Variants in MTA2 observed in about 807,000 individuals in gnomAD.
MTA2 encodes metastasis associated 1 family member 2, also known as metastasis-associated protein MTA2.
A neutral mutation model predicts 87.1 loss-of-function variants in MTA2; 22 were observed. The ratio of observed to expected loss-of-function variants is 0.25; its 90% CI spans 0.18 to 0.36. MTA2 has a LOEUF of 0.36. Ranked by LOEUF, MTA2 falls within the 10% of genes least tolerant of loss-of-function variation. MTA2 has a pLI of 1.00. For missense variants in MTA2, 542 were observed against 853.2 expected (o/e 0.64, Z 4.54); for synonymous variants, 314 against 310.1 (o/e 1.01, Z -0.13).
In MTA2 at chr11:62,596,356, AAAGAG is replaced by A; in HGVS notation, c.958-24_958-20del. On this transcript the variant is annotated intron_variant, in intron 10 of 17. Coordinates refer to ENST00000278823, the MANE Select transcript of MTA2 (RefSeq NM_004739.4). The stretch of plus-strand genomic sequence containing the variant: ...ACCTTTTCTGTAAGAAGGTAAAAAG[AAAGAG>A]AAGGATCAGAGCCTCATAGCAGGGA... 1 of 1,613,946 alleles carries A rather than the reference AAAGAG, an allele frequency of 6.2e-7. No individual in the cohort carries two copies. The highest frequency in any genetic ancestry group is 8.5e-7 in the Non-Finnish European group (1 of 1,179,996).
rs1942130609 is a variant in MTA2, at chr11:62,598,569, T to C, written c.261A>G (p.Glu87=). Residue 87 remains glutamate (E), a synonymous_variant, in exon 4 of 18, where the codon GAA becomes GAG. Transcript: ENST00000278823. ...EQQRHQLKHR[E]LFLSRQFESL... is the part of the protein sequence containing the mutation. Reference sequence around the variant, plus strand: ...ATTCAAATTGCCGAGAAAGAAAAAGTTCCCGGTGCTTCAGTTGATGGCGCT... The same window carrying C: ...ATTCAAATTGCCGAGAAAGAAAAAGCTCCCGGTGCTTCAGTTGATGGCGCT... 2 of 1,614,106 alleles carry C rather than the reference T, an allele frequency of 1.2e-6. No individual in the cohort carries two copies. The highest frequency in any genetic ancestry group is 2.2e-5 in the South Asian group (2 of 91,074).
In MTA2 at chr11:62,600,349, T is replaced by G. The variant is rs541843363; in HGVS notation, c.97-90A>C. The G allele has an allele frequency of 5.8e-6, 7 of 1,198,572 alleles. No individual in the cohort carries two copies. The South Asian group carries it at 8.9e-5, about 15-fold the overall frequency. The allele number at this position is 1,198,572 out of a possible 1,614,324, so 74.2% of individuals were successfully genotyped here. On this transcript the variant is annotated intron_variant, in intron 2 of 17. Coordinates refer to ENST00000278823, the MANE Select transcript of MTA2 (RefSeq NM_004739.4). ...AAATGCACAAAGAGACAAATAACAG[T>G]AAGTTTCAGAGGGACCTAAATTAAA... is the stretch of plus-strand genomic sequence containing the variant.
chr11:62,597,301 C>A lies in MTA2; in HGVS notation c.693+15G>T. On this transcript the variant is annotated intron_variant, in intron 8 of 17. Transcript: ENST00000278823. ...AAAACCCAGCCTGCCCAACTACCCA[C>A]CAACTTCTGCTCACCAGAGTGATAT... The A allele has an allele frequency of 1.3e-6, 2 of 1,583,382 alleles. No individual in the cohort carries two copies. The highest frequency in any genetic ancestry group is 1.7e-6 in the Non-Finnish European group (2 of 1,168,298).
rs757510687 is a variant in MTA2, at chr11:62,594,330, T to C, written c.1770A>G (p.Ala590=). 1.2e-6 allele frequency: 2 copies of C among 1,614,252 alleles called. No individual in the cohort carries two copies. The highest frequency in any genetic ancestry group is 1.7e-6 in the Non-Finnish European group (2 of 1,180,048). Reference sequence around the variant, plus strand: ...CTGGGTTTAGTTTCTGACGCTTGGCTGCTGGCTGTGAGCTTGAACGAATCC... The same window carrying C: ...CTGGGTTTAGTTTCTGACGCTTGGCCGCTGGCTGTGAGCTTGAACGAATCC... ...ASGIRSSSQP[A]AKRQKLNPAD... The change falls in exon 17 of 18, where the codon GCA becomes GCG. Residue 590 remains alanine, a synonymous_variant. Coordinates refer to ENST00000278823, the MANE Select transcript of MTA2 (RefSeq NM_004739.4).
intron 3 of MTA2, among the ~76,000 whole-genome samples, 197 bp downstream of exon 3, chr11:62,599,969 C>T (rs986843101): frequency 6.6e-6 from 1 of 152,178 alleles, no homozygotes; most frequent in African/African-American, 2.4e-5. Context: ...ACCATATTAT[C>T]GCTTTCCTTA....
At chr11:62,599,307 G>T (rs1377524690) in intron 3 of MTA2, 1 of 152,582 alleles carries the variant, frequency 6.6e-6, no homozygotes, top group Non-Finnish European at 1.5e-5. Context: ...GGGAGAAGGG[G>T]GGGGTTGTGC....
rs1053773874 is a variant in MTA2, at chr11:62,600,737, G to A, written c.29-48C>T. The A allele has an allele frequency of 2.1e-5, 32 of 1,546,938 alleles. No homozygotes were observed. In the African/African-American group the frequency reaches 4.4e-4, roughly 21 times the overall value. On this transcript the variant is annotated intron_variant, in intron 1 of 17. Coordinates refer to ENST00000278823, the MANE Select transcript of MTA2 (RefSeq NM_004739.4). Reference sequence around the variant, plus strand: ...GAACCACGAAGATCAGAGGAGATGGGAGACGCAGAGCACCAGGGTAGGAGA... The same window carrying A: ...GAACCACGAAGATCAGAGGAGATGGAAGACGCAGAGCACCAGGGTAGGAGA...
Position 62,594,634 on chromosome 11 carries a change from A to G in MTA2, c.1574T>C (p.Val525Ala). 7 of 1,612,972 alleles carry G rather than the reference A, an allele frequency of 4.3e-6. No homozygotes were observed. Among genetic ancestry groups the G allele is most frequent in the Non-Finnish European group, 5.9e-6 (7 of 1,179,602 alleles). The part of the protein sequence containing the change: ...LPLATIVKDL[V>A]AQAPLKPKTP... ...TTTTGGTTTCAGGGGTGCCTGGGCC[A>G]CTGGAAAAAAACAGAAAACTTTCGC... The change falls in exon 16 of 18, where the codon GTG becomes GCG. Residue 525 changes from valine (V) to alanine (A), a missense_variant and splice_region_variant. By Grantham distance (64) the Val-to-Ala change is moderately conservative (BLOSUM62 0). Coordinates refer to ENST00000278823, the MANE Select transcript of MTA2 (RefSeq NM_004739.4).
intron 15 of MTA2, 25 bp downstream of exon 15, chr11:62,594,956 A>G: frequency 6.2e-7 from 1 of 1,604,460 alleles, no homozygotes; most frequent in Non-Finnish European, 8.5e-7. Context: ...GCCTGATGCC[A>G]ACCTCACTGG....
rs1246388117 is a variant in MTA2, at chr11:62,598,010, G to A, written c.490+14C>T. On this transcript the variant is annotated intron_variant, in intron 6 of 17. Transcript: ENST00000278823. ...GACAACCTGGTAGCCGTACAGTCTT[G>A]TCCTGTTGCTTACCCTCTACTAGGC... 3 of 1,600,430 alleles carry A rather than the reference G, an allele frequency of 1.9e-6. No individual in the cohort carries two copies. Among genetic ancestry groups the A allele is most frequent in the Non-Finnish European group, 2.6e-6 (3 of 1,167,722 alleles).
At chr11:62,600,457 G>C in intron 2 of MTA2, 165 bp downstream of exon 2, 1 of 814,654 alleles carries the variant, frequency 1.2e-6, no homozygotes, top group Non-Finnish European at 1.9e-6. Flanking sequence ...AGACAGAATA[G>C]TAAAGTTCCT....
chr11:62,597,941 C>A, intron 6 of MTA2, 83 bp downstream of exon 6: 2 of 1,268,916 alleles, frequency 1.6e-6, no homozygotes, highest in South Asian at 2.4e-5. Context: ...CCCCAGGTGA[C>A]GCCATTCACA....
Position 62,601,621 on chromosome 11 carries a change from C to T in MTA2, c.-171G>A, listed in dbSNP as rs1433752279. 1 of 700,010 alleles carries T rather than the reference C, an allele frequency of 1.4e-6. No homozygotes were observed. Among genetic ancestry groups the T allele is most frequent in the Non-Finnish European group, 2.2e-6 (1 of 450,484 alleles). 43.4% of individuals were successfully genotyped at this position (700,010 alleles called of 1,614,324 possible). A position where few individuals can be genotyped will look rare whatever the true frequency, so the allele number is the denominator to read the frequency against. On this transcript the variant is annotated 5_prime_UTR_variant, in exon 1 of 18. Transcript: ENST00000278823. ...CTCAGCCGTCGCGGTTCATCCCGGC[C>T]CGCGCTGTCGCCGCCGCAGCTATCG... is the stretch of plus-strand genomic sequence containing the variant.
rs1476686195 is a variant in MTA2, at chr11:62,593,215, G to A, written c.*660C>T. On this transcript the variant is annotated 3_prime_UTR_variant, in exon 18 of 18. Coordinates refer to ENST00000278823, the MANE Select transcript of MTA2 (RefSeq NM_004739.4). ...AAGAACAGCTGAGCCAGGAGAAGCT[G>A]AAGAAAACAGCTTTTTATTTGTTAC... The A allele has an allele frequency of 2.6e-5, 4 of 152,134 alleles. No homozygotes were observed. Among genetic ancestry groups the A allele is most frequent in the Non-Finnish European group, 5.9e-5 (4 of 68,032 alleles). The allele number at this position is 152,134 out of a possible 1,614,324, so 9.4% of individuals were successfully genotyped here. A position where few individuals can be genotyped will look rare whatever the true frequency, so the allele number is the denominator to read the frequency against.
chr11:62,601,615 C>G lies in MTA2; in HGVS notation c.-165G>C. 1.3e-6 allele frequency: 1 copy of G among 746,792 alleles called. No individual in the cohort carries two copies. Among genetic ancestry groups the G allele is most frequent in the Non-Finnish European group, 2.0e-6 (1 of 491,414 alleles). The allele number at this position is 746,792 out of a possible 1,614,324, so 46.3% of individuals were successfully genotyped here. A position where few individuals can be genotyped will look rare whatever the true frequency, so the allele number is the denominator to read the frequency against. ...CGCTGCCTCAGCCGTCGCGGTTCAT[C>G]CCGGCCCGCGCTGTCGCCGCCGCAG... On this transcript the variant is annotated 5_prime_UTR_variant, in exon 1 of 18. Transcript: ENST00000278823.
At chr11:62,601,105 A>C in intron 1 of MTA2, 3 of 492,892 alleles carry the variant, frequency 6.1e-6, no homozygotes, top group Non-Finnish European at 3.5e-6. Context: ...CCGTCGCCCC[A>C]GCCCCTCGCG....
At chr11:62,599,062 T>C (rs908536525) in intron 3 of MTA2, among the ~76,000 whole-genome samples, 1 of 152,192 alleles carries the variant, frequency 6.6e-6, no homozygotes, top group African/African-American at 2.4e-5. Context: ...GACTCTTTGC[T>C]CTAAAACATC....
Position 62,595,897 on chromosome 11 carries a change from G to T in MTA2, c.1115-6C>A, listed in dbSNP as rs767982738. On this transcript the variant is annotated splice_polypyrimidine_tract_variant and splice_region_variant and intron_variant, in intron 12 of 17. Transcript: ENST00000278823. The surrounding 1 kb of genome is among the most constrained non-coding windows in gnomAD (Gnocchi z 4.9). Reference sequence around the variant, plus strand: ...CCACTGAGCAGACTGTGTGGCTGTAGAGTACGGAGAGGAGGGGGACAGGGA... The same window carrying T: ...CCACTGAGCAGACTGTGTGGCTGTATAGTACGGAGAGGAGGGGGACAGGGA... 2.5e-6 allele frequency: 4 copies of T among 1,614,128 alleles called. No individual in the cohort carries two copies. In the Admixed American group the frequency reaches 6.7e-5, roughly 27 times the overall value.
At chr11:62,594,167 A>G in intron 17 of MTA2, 92 bp downstream of exon 17, 1 of 1,573,336 alleles carries the variant, frequency 6.4e-7, no homozygotes, top group Non-Finnish European at 8.6e-7. Flanking sequence ...TGCATCCACA[A>G]CTTTCCTGGA....
Sources: gnomAD v4.1 joint callset for allele counts (sites outside exome capture counted in the v4.1 genomes callset) on GRCh38, gnomAD v4.1.1 for gene constraint, Gnocchi (gnomAD v3.1) non-coding constraint, MANE v1.5 for transcripts, NCBI Gene and HGNC (gene_info 2026-07-23, HGNC 2026-07-21) for gene names.